TXNDC16: variants seen among roughly 807,000 people sequenced by gnomAD.
The protein encoded by TXNDC16 is thioredoxin domain containing 16.
TXNDC16 carries 74 observed loss-of-function variants against 85.6 expected under a neutral mutation model. The ratio of observed to expected loss-of-function variants is 0.86; its 90% CI spans 0.72 to 1.05. The LOEUF is 1.05. Ranked by LOEUF, TXNDC16 falls within the 50% of genes least tolerant of loss-of-function variation. The probability of loss-of-function intolerance (pLI) is 0.00; values close to 1 mark genes in which losing one functional copy is unlikely to be tolerated. For synonymous variants in TXNDC16, 335 were observed against 326.5 expected (o/e 1.03, Z -0.28); for missense variants, 959 against 947.0 (o/e 1.01, Z -0.17).
intron 2 of TXNDC16, 92 bp from the exon 3 acceptor site, chr14:52,543,722 C>G (rs1312060132): frequency 6.7e-6 from 5 of 744,854 alleles, no homozygotes; most frequent in Non-Finnish European, 1.1e-5. Flanking sequence ...AGTCATTAGT[C>G]ACATCATTTG....
intron 9 of TXNDC16, among the ~76,000 whole-genome samples, chr14:52,508,810 G>T (rs186790876): frequency 6.6e-6 from 1 of 152,086 alleles, no homozygotes; most frequent in African/African-American, 2.4e-5. Flanking sequence ...GCAAAGTATT[G>T]CAAGGACAAA....
At chr14:52,545,876 G>A (rs150324839) in intron 1 of TXNDC16, among the ~76,000 whole-genome samples, 11 of 152,180 alleles carry the variant, frequency 7.2e-5, no homozygotes, top group African/African-American at 2.6e-4. Context: ...AAAGGCAAGG[G>A]AATGTGGGTG....
intron 15 of TXNDC16, 72 bp downstream of exon 15, chr14:52,470,440 A>G: frequency 6.8e-7 from 1 of 1,479,050 alleles, no homozygotes; most frequent in Non-Finnish European, 9.1e-7. Flanking sequence ...TTTAAGTGTT[A>G]GCAAAGTCTG....
At chr14:52,532,530 G>C (rs561862384) in intron 6 of TXNDC16, among the ~76,000 whole-genome samples, 2 of 151,798 alleles carry the variant, frequency 1.3e-5, no homozygotes, top group African/African-American at 4.8e-5. Flanking sequence ...TCCACCTCCC[G>C]GATTCACACC....
intron 20 of TXNDC16, among the ~76,000 whole-genome samples, chr14:52,433,564 G>GA (rs545419042): frequency 2.0e-4 from 30 of 152,202 alleles, no homozygotes; most frequent in African/African-American, 6.7e-4. Flanking sequence ...TAAGAGCTTA[G>GA]AAAAAACATA....
At chr14:52,453,350 G>A (rs1451730812) in intron 18 of TXNDC16, among the ~76,000 whole-genome samples, 1 of 152,122 alleles carries the variant, frequency 6.6e-6, no homozygotes, top group Non-Finnish European at 1.5e-5. Flanking sequence ...AAGAATATCA[G>A]TATACCAAAG....
chr14:52,525,731 AT>A (rs1388929285), intron 6 of TXNDC16, among the ~76,000 whole-genome samples: 101 of 143,804 alleles, frequency 7.0e-4, no homozygotes, highest in South Asian at 1.8e-3. Flanking sequence ...AATAATAATA[AT>A]AATAATAATA....
chr14:52,432,642 C>A, intron 20 of TXNDC16, 55 bp from the exon 21 acceptor site: 1 of 1,412,628 alleles, frequency 7.1e-7, no homozygotes. Flanking sequence ...ATCGTCACAT[C>A]AACATATTAG....
chr14:52,495,332 G>A (rs1440798573), intron 9 of TXNDC16, among the ~76,000 whole-genome samples: 1 of 152,146 alleles, frequency 6.6e-6, no homozygotes, highest in African/African-American at 2.4e-5. Context: ...TTCTCCTCAG[G>A]CTGCTTAGTC....
chr14:52,489,699 A>G (rs1220059059), intron 11 of TXNDC16, among the ~76,000 whole-genome samples: 2 of 152,234 alleles, frequency 1.3e-5, no homozygotes, highest in Admixed American at 1.3e-4. Context: ...ACACACTTGT[A>G]TAACCACCAT....
intron 12 of TXNDC16, among the ~76,000 whole-genome samples, chr14:52,484,555 A>G (rs1255112230): frequency 6.6e-6 from 1 of 152,158 alleles, no homozygotes; most frequent in Non-Finnish European, 1.5e-5. Context: ...GTTTGTGGTG[A>G]TGCTGGTGTA....
At chr14:52,438,285 A>C (rs2035079376) in intron 20 of TXNDC16, among the ~76,000 whole-genome samples, 1 of 152,230 alleles carries the variant, frequency 6.6e-6, no homozygotes, top group South Asian at 2.1e-4. Flanking sequence ...ATCAAACAGC[A>C]TCATATACTA....
chr14:52,470,412 G>C (rs983538149), intron 15 of TXNDC16, 100 bp downstream of exon 15: 1 of 1,303,070 alleles, frequency 7.7e-7, no homozygotes, highest in Admixed American at 2.5e-5. Context: ...CTCAATTCTA[G>C]TATCTTCCTT....
intron 6 of TXNDC16, among the ~76,000 whole-genome samples, chr14:52,532,877 G>C (rs1481570484): frequency 6.6e-6 from 1 of 152,128 alleles, no homozygotes; most frequent in Non-Finnish European, 1.5e-5. Context: ...ATGGCAATTT[G>C]CAAGGTACAG....
intron 12 of TXNDC16, among the ~76,000 whole-genome samples, chr14:52,486,445 G>A (rs190990382): frequency 2.0e-5 from 3 of 151,984 alleles, no homozygotes; most frequent in Non-Finnish European, 4.4e-5. Flanking sequence ...CACCATCTTG[G>A]CTAATTTTTG....
Position 52,432,075 on chromosome 14 carries a change from T to C in TXNDC16, c.*229A>G, listed in dbSNP as rs141812431. The stretch of plus-strand genomic sequence containing the variant: ...CATTAATAATTTCTATATTTCGCTA[T>C]TTTGGGTATACTACTGGGTGAAAAG... On this transcript the variant is annotated 3_prime_UTR_variant, in exon 21 of 21. Transcript: ENST00000281741. 228 of 351,806 alleles carry C rather than the reference T, an allele frequency of 6.5e-4. 3 individuals carry two copies. The East Asian group carries it at 9.4e-3, about 15-fold the overall frequency. The allele number at this position is 351,806 out of a possible 1,614,324, so 21.8% of individuals were successfully genotyped here.
intron 6 of TXNDC16, among the ~76,000 whole-genome samples, chr14:52,521,613 G>T (rs1049908719): frequency 1.3e-5 from 2 of 152,030 alleles, no homozygotes; most frequent in Non-Finnish European, 2.9e-5. Flanking sequence ...TCCACTCAGT[G>T]GGCACCCTGA....
intron 20 of TXNDC16, among the ~76,000 whole-genome samples, chr14:52,434,974 T>C (rs532958136): frequency 1.3e-5 from 2 of 152,340 alleles, no homozygotes; most frequent in Middle Eastern, 3.4e-3. Context: ...CGTTGATTCT[T>C]TCCTCTGGGT....
chr14:52,465,448 C>T (rs1343305039), intron 16 of TXNDC16, among the ~76,000 whole-genome samples: 6 of 151,880 alleles, frequency 4.0e-5, no homozygotes, highest in African/African-American at 1.5e-4. Flanking sequence ...AAGAGTCAGC[C>T]GGGCTTGGTG....
Sources: gnomAD v4.1 joint callset for allele counts (sites outside exome capture counted in the v4.1 genomes callset) on GRCh38, gnomAD v4.1.1 for gene constraint, MANE v1.5 for transcripts, NCBI Gene and HGNC (gene_info 2026-07-23, HGNC 2026-07-21) for gene names.